Variants in EIF4E3 observed in about 807,000 individuals in gnomAD.
EIF4E3 encodes the protein eukaryotic translation initiation factor 4E type 3.
EIF4E3 carries 26 observed loss-of-function variants against 31.7 expected under a neutral mutation model. The observed-to-expected ratio is 0.82, with a 90% CI of 0.60 to 1.14. The LOEUF (loss-of-function observed/expected upper bound fraction) is 1.14. Ranked by LOEUF, EIF4E3 falls within the 50% of genes most tolerant of loss-of-function variation. EIF4E3 has a pLI of 0.00. For synonymous variants in EIF4E3, 128 were observed against 107.7 expected (o/e 1.19, Z -1.17); for missense variants, 304 against 270.9 (o/e 1.12, Z -0.86).
the EIF4E3 span, among the ~76,000 whole-genome samples, chr3:71,664,307 C>G: frequency 7.9e-5 from 12 of 152,166 alleles, no homozygotes; most frequent in East Asian, 2.3e-3. Flanking sequence ...ATTTAGGCAG[C>G]ATGCCTAAGG....
At chr3:71,746,345 T>C (rs1303176530) in intron 1 of EIF4E3, among the ~76,000 whole-genome samples, 3 of 152,238 alleles carry the variant, frequency 2.0e-5, no homozygotes, top group African/African-American at 7.2e-5. Context: ...GCTTTTCTAG[T>C]GGCTGTGCTG....
chr3:71,694,126 T>C (rs991326168), intron 4 of EIF4E3, among the ~76,000 whole-genome samples, 185 bp from the exon 5 acceptor site: 1 of 152,252 alleles, frequency 6.6e-6, no homozygotes, highest in Admixed American at 6.5e-5. Context: ...ATATTTTTCA[T>C]TGGTTTACAA....
At chr3:71,703,475 T>C (rs1442231503) in intron 2 of EIF4E3, among the ~76,000 whole-genome samples, 5 of 152,188 alleles carry the variant, frequency 3.3e-5, no homozygotes, top group Admixed American at 3.3e-4. Flanking sequence ...GAAAATGTAA[T>C]GATGAAATGC....
intron 1 of EIF4E3, among the ~76,000 whole-genome samples, chr3:71,732,216 C>A (rs918210958): frequency 2.0e-5 from 3 of 152,144 alleles, no homozygotes; most frequent in African/African-American, 4.8e-5. Flanking sequence ...TTGCCTGAGA[C>A]CTTTCTTCTC....
intron 1 of EIF4E3, among the ~76,000 whole-genome samples, chr3:71,737,768 AAAACAAACAAACAAAC>A (rs572309367): frequency 2.0e-5 from 3 of 151,908 alleles, no homozygotes; most frequent in Admixed American, 2.0e-4. Context: ...TCTCTACCAA[AAAACAAACAAACAAAC>A]AAACAAACAA....
intron 2 of EIF4E3, among the ~76,000 whole-genome samples, chr3:71,700,558 G>C (rs866952317): frequency 6.8e-6 from 1 of 146,112 alleles, no homozygotes; most frequent in Non-Finnish European, 1.5e-5. Flanking sequence ...AGGTTGCAGT[G>C]AGCCGAGATC....
chr3:71,726,213 C>T (rs1340966961), upstream of EIF4E3, among the ~76,000 whole-genome samples: 5 of 152,200 alleles, frequency 3.3e-5, 1 homozygote, highest in Admixed American at 3.3e-4. Context: ...TGGCTAACTT[C>T]AGAGAACATT....
chr3:71,753,739 G>C (rs1022859615), upstream of EIF4E3: 1 of 151,492 alleles, frequency 6.6e-6, no homozygotes, highest in South Asian at 1.8e-4. Context: ...AGCAGCGGAG[G>C]AGTAGGAGGA....
intron 2 of EIF4E3, among the ~76,000 whole-genome samples, chr3:71,700,106 C>T (rs746745853): frequency 5.3e-5 from 8 of 152,018 alleles, no homozygotes; most frequent in Non-Finnish European, 1.0e-4. Flanking sequence ...CCTGGGAAGT[C>T]GAGGCTGCAA....
intron 1 of EIF4E3, among the ~76,000 whole-genome samples, chr3:71,723,256 G>T (rs939274993): frequency 6.6e-6 from 1 of 152,066 alleles, no homozygotes; most frequent in African/African-American, 2.4e-5. Flanking sequence ...GGGGGAGAGG[G>T]GCACCCTATA....
chr3:71,671,725 T>C (rs2048848565), downstream of EIF4E3, among the ~76,000 whole-genome samples: 1 of 152,134 alleles, frequency 6.6e-6, no homozygotes, highest in Admixed American at 6.5e-5. Context: ...TATATAGATT[T>C]GTGCATGCTG....
the EIF4E3 span, among the ~76,000 whole-genome samples, chr3:71,660,753 CA>C: frequency 6.6e-6 from 1 of 152,142 alleles, no homozygotes; most frequent in East Asian, 1.9e-4. Flanking sequence ...CACCGAAGCC[CA>C]AAAAAATAAG....
chr3:71,744,551 C>G (rs1182729661), intron 1 of EIF4E3, among the ~76,000 whole-genome samples: 1 of 152,136 alleles, frequency 6.6e-6, no homozygotes, highest in Non-Finnish European at 1.5e-5. Flanking sequence ...TTGAGACCAG[C>G]CTGATCAACA....
chr3:71,673,157 G>A (rs952541068), downstream of EIF4E3, among the ~76,000 whole-genome samples: 6 of 152,142 alleles, frequency 3.9e-5, no homozygotes, highest in Non-Finnish European at 7.4e-5. Flanking sequence ...GGTAGTGGCC[G>A]CAAGATATTA....
chr3:71,710,158 C>T (rs561991739), intron 2 of EIF4E3, among the ~76,000 whole-genome samples: 4 of 152,238 alleles, frequency 2.6e-5, no homozygotes, highest in African/African-American at 4.8e-5. Context: ...GCCTTTTGTG[C>T]GGGTCTATGA....
intron 1 of EIF4E3, among the ~76,000 whole-genome samples, chr3:71,741,431 G>A (rs1232497708): frequency 6.6e-6 from 1 of 152,116 alleles, no homozygotes; most frequent in African/African-American, 2.4e-5. Flanking sequence ...GAAGAGGGTC[G>A]ATTAGTAATA....
chr3:71,712,724 T>C (rs1469309921), intron 1 of EIF4E3, among the ~76,000 whole-genome samples: 1 of 152,104 alleles, frequency 6.6e-6, no homozygotes, highest in Non-Finnish European at 1.5e-5. Flanking sequence ...AAAATTTTTT[T>C]AACTAATTTT....
At chr3:71,667,936 G>A in the EIF4E3 span, among the ~76,000 whole-genome samples, 7 of 152,262 alleles carry the variant, frequency 4.6e-5, no homozygotes, top group Non-Finnish European at 8.8e-5. Context: ...AAAAGAGCCT[G>A]TATAGTCAAG....
chr3:71,714,205 TC>T (rs2049424947), intron 1 of EIF4E3, among the ~76,000 whole-genome samples: 1 of 128,772 alleles, frequency 7.8e-6, no homozygotes, highest in Non-Finnish European at 1.6e-5. Context: ...AGAGCAAAAC[TC>T]CATCTCAAAA....
Sources: gnomAD v4.1 joint callset for allele counts (sites outside exome capture counted in the v4.1 genomes callset) on GRCh38, gnomAD v4.1.1 for gene constraint, MANE v1.5 for transcripts, NCBI Gene and HGNC (gene_info 2026-07-23, HGNC 2026-07-21) for gene names.